ARHGAP15: variants seen among roughly 807,000 people sequenced by gnomAD.
ARHGAP15 encodes the protein rho GTPase-activating protein 15.
Under a neutral mutation model 63.7 loss-of-function variants are expected in ARHGAP15, and 51 were observed. That is an observed-to-expected ratio of 0.80 (90% CI 0.64 to 1.01). The LOEUF (loss-of-function observed/expected upper bound fraction) is 1.01, where lower values mean the gene tolerates loss of function less well. Among genes scored for constraint, ARHGAP15 ranks in the 50% least tolerant of loss-of-function variants. ARHGAP15 has a pLI of 0.00. For synonymous variants in ARHGAP15, 191 were observed against 193.8 expected, an observed-to-expected ratio of 0.99 and a Z score of 0.12; for missense variants, 560 against 564.6, an observed-to-expected ratio of 0.99 and a Z score of 0.08.
At position 143,586,128 on chromosome 2, in the gene ARHGAP15, G is replaced by A. The variant is rs192985603; in HGVS notation, c.1003+29643G>A. Among the ~76,000 whole-genome samples the A allele has an allele frequency of 3.8e-3, 581 of 152,126 alleles. 2 individuals are homozygous for A. Among genetic ancestry groups the A allele is most frequent in the African/African-American group, 0.013 (538 of 41,500 alleles). ...CAGTGTTGCTGTGAAGTTCTCTGAG[G>A]TCATTCCTCCCACCACCACCCCCTT... On this transcript the variant is annotated intron_variant, in intron 11 of 13. Transcript: ENST00000295095.
chr2:143,285,891 C>G (rs1402330817), intron 6 of ARHGAP15, among the ~76,000 whole-genome samples: 1 of 152,092 alleles, frequency 6.6e-6, no homozygotes, highest in East Asian at 1.9e-4. Flanking sequence ...AACATCAAAC[C>G]ATTATATACC....
At chr2:143,226,431 T>C (rs944132397) in intron 4 of ARHGAP15, among the ~76,000 whole-genome samples, 3 of 152,214 alleles carry the variant, frequency 2.0e-5, no homozygotes, top group African/African-American at 7.2e-5. Context: ...TCTTCGTGTG[T>C]GAGGGTGTTC....
At chr2:143,305,601 C>G (rs895146902) in intron 6 of ARHGAP15, 13 of 151,994 alleles carry the variant, frequency 8.6e-5, no homozygotes, top group Non-Finnish European at 1.9e-4. Context: ...CAAATATTGG[C>G]TCTCTAAACC....
intron 13 of ARHGAP15, among the ~76,000 whole-genome samples, chr2:143,760,967 A>G (rs1002077158): frequency 6.6e-6 from 1 of 152,180 alleles, no homozygotes; most frequent in African/African-American, 2.4e-5. Context: ...CTAATGTTAA[A>G]TGCAAAAACA....
rs1431011393 is a variant in ARHGAP15 at position 143,471,004 on chromosome 2, AGATAAAG to A, written c.704-16368_704-16362del. ...ACGTGTATCATATACATGTGTGTAT[AGATAAAG>A]AAGATATGAATATGTGTGTATATAT... On this transcript the variant is annotated intron_variant, in intron 8 of 13. Transcript: ENST00000295095. 2.5e-3 allele frequency among the ~76,000 whole-genome samples: 241 copies of A among 97,610 alleles called. 1 individual carries two copies. The highest frequency in any genetic ancestry group is 5.5e-3 in the African/African-American group (200 of 36,240). The allele number at this position is 97,610 out of a possible 152,430, so 64.0% of individuals were successfully genotyped here. A position where few individuals can be genotyped will look rare whatever the true frequency, so the allele number is the denominator to read the frequency against.
chr2:143,659,928 G>A (rs1681665228), intron 12 of ARHGAP15, among the ~76,000 whole-genome samples: 1 of 151,994 alleles, frequency 6.6e-6, no homozygotes. Context: ...GTAATAAGTG[G>A]GTGTTCATCT....
intron 8 of ARHGAP15, among the ~76,000 whole-genome samples, chr2:143,439,938 A>G (rs1397103663): frequency 6.6e-6 from 1 of 152,122 alleles, no homozygotes; most frequent in African/African-American, 2.4e-5. Flanking sequence ...TTTTCTTTCA[A>G]TTTTGATTTC....
intron 1 of ARHGAP15, among the ~76,000 whole-genome samples, chr2:143,139,793 A>T (rs1171780231): frequency 6.6e-6 from 1 of 152,074 alleles, no homozygotes; most frequent in African/African-American, 2.4e-5. Context: ...TCTTACAGAG[A>T]TAGTAGTGGT....
intron 6 of ARHGAP15, among the ~76,000 whole-genome samples, chr2:143,389,002 C>A (rs1490583769): frequency 6.6e-6 from 1 of 151,404 alleles, no homozygotes; most frequent in Non-Finnish European, 1.5e-5. Context: ...TAGGTAGTCC[C>A]TAAAAATATC....
intron 6 of ARHGAP15, among the ~76,000 whole-genome samples, chr2:143,349,278 C>A (rs2105309103): frequency 6.6e-6 from 1 of 152,264 alleles, no homozygotes; most frequent in Non-Finnish European, 1.5e-5. Flanking sequence ...AAAACATCAA[C>A]TATTGTTGAA....
chr2:143,160,293 T>C (rs1438741794), intron 2 of ARHGAP15, among the ~76,000 whole-genome samples: 1 of 151,972 alleles, frequency 6.6e-6, no homozygotes, highest in East Asian at 1.9e-4. Context: ...CATTCTTCAG[T>C]TAAATCTCTC....
chr2:143,483,977 C>T (rs574608324), intron 8 of ARHGAP15, among the ~76,000 whole-genome samples: 2 of 152,206 alleles, frequency 1.3e-5, no homozygotes, highest in African/African-American at 4.8e-5. Context: ...CCTGTAATTC[C>T]AGCACTTTGG....
chr2:143,362,760 C>T (rs1160472610), intron 6 of ARHGAP15, among the ~76,000 whole-genome samples: 1 of 152,146 alleles, frequency 6.6e-6, no homozygotes, highest in Non-Finnish European at 1.5e-5. Context: ...ATCTAGGATT[C>T]ATTCGTGACT....
At chr2:143,394,008 G>C (rs1215461099) in intron 6 of ARHGAP15, among the ~76,000 whole-genome samples, 1 of 152,120 alleles carries the variant, frequency 6.6e-6, no homozygotes, top group Non-Finnish European at 1.5e-5. Flanking sequence ...GGTTTAGGAA[G>C]ACAGCAAATA....
chr2:143,391,731 G>A (rs1377074328), intron 6 of ARHGAP15, among the ~76,000 whole-genome samples: 1 of 152,164 alleles, frequency 6.6e-6, no homozygotes, highest in Non-Finnish European at 1.5e-5. Flanking sequence ...CTTTCCCTGA[G>A]AAGGAAGACT....
intron 7 of ARHGAP15, 89 bp from the exon 8 acceptor site, chr2:143,436,824 C>G: frequency 9.3e-6 from 13 of 1,405,370 alleles, no homozygotes; most frequent in Non-Finnish European, 1.3e-5. Context: ...TTCAAATTTC[C>G]CCATAAACAG....
intron 3 of ARHGAP15, among the ~76,000 whole-genome samples, chr2:143,206,419 AG>A (rs1692332737): frequency 6.6e-6 from 1 of 152,190 alleles, no homozygotes; most frequent in Non-Finnish European, 1.5e-5. Context: ...TTGTAGTGAA[AG>A]CCAATTTTTC....
chr2:143,409,250 T>C (rs962215832), intron 6 of ARHGAP15, among the ~76,000 whole-genome samples: 3 of 151,840 alleles, frequency 2.0e-5, no homozygotes, highest in African/African-American at 4.8e-5. Flanking sequence ...CACCTACCAA[T>C]AGAAAACAAC....
intron 13 of ARHGAP15, among the ~76,000 whole-genome samples, chr2:143,717,812 C>T (rs1327050583): frequency 2.0e-5 from 3 of 151,240 alleles, no homozygotes; most frequent in Non-Finnish European, 4.4e-5. Context: ...GCAGCCTTTA[C>T]ACATAGCACC....
Sources: gnomAD v4.1 joint callset for allele counts (sites outside exome capture counted in the v4.1 genomes callset) on GRCh38, gnomAD v4.1.1 for gene constraint, MANE v1.5 for transcripts, NCBI Gene and HGNC (gene_info 2026-07-23, HGNC 2026-07-21) for gene names.